Variants in PGM1 observed in about 807,000 individuals in gnomAD.
PGM1 encodes the protein phosphoglucomutase 1.
PGM1 carries 52 observed loss-of-function variants against 55.6 expected under a neutral mutation model. The ratio of observed to expected loss-of-function variants is 0.94; its 90% CI spans 0.75 to 1.18. PGM1 has a LOEUF of 1.18. Among genes scored for constraint, PGM1 ranks in the 50% most tolerant of loss-of-function variants. PGM1 has a pLI of 0.00. For missense variants in PGM1, 724 were observed against 729.3 expected (o/e 0.99, Z 0.08); for synonymous variants, 287 against 271.7 (o/e 1.06, Z -0.55).
intron 7 of PGM1, among the ~76,000 whole-genome samples, chr1:63,639,424 A>G (rs1176464754): frequency 6.6e-6 from 1 of 151,504 alleles, no homozygotes; most frequent in Non-Finnish European, 1.5e-5. Context: ...TATAGACCTC[A>G]CTCTCTGCGC....
At chr1:63,613,751 AC>A (rs1393117320) in intron 1 of PGM1, among the ~76,000 whole-genome samples, 2 of 149,230 alleles carry the variant, frequency 1.3e-5, no homozygotes, top group East Asian at 2.0e-4. Context: ...GCACCATTCA[AC>A]CATGACATCT....
At chr1:63,636,094 C>G in intron 5 of PGM1, 140 bp from the exon 6 acceptor site, 1 of 838,780 alleles carries the variant, frequency 1.2e-6, no homozygotes, top group Non-Finnish European at 1.9e-6. Context: ...AAAATAAAAC[C>G]CAGTGTTAAA....
chr1:63,634,701 C>A, intron 4 of PGM1, 128 bp from the exon 5 acceptor site: 1 of 762,628 alleles, frequency 1.3e-6, no homozygotes, highest in South Asian at 1.5e-5. Context: ...GAACACATTT[C>A]ACACATTCCT....
At chr1:63,618,550 T>C (rs1294039394) in intron 1 of PGM1, among the ~76,000 whole-genome samples, 1 of 152,220 alleles carries the variant, frequency 6.6e-6, no homozygotes, top group Non-Finnish European at 1.5e-5. Context: ...TCCAAAAATA[T>C]TAATACTATG....
chr1:63,601,570 C>T (rs1230101280), intron 1 of PGM1, among the ~76,000 whole-genome samples: 3 of 152,132 alleles, frequency 2.0e-5, no homozygotes, highest in East Asian at 1.9e-4. Flanking sequence ...TTGGGATCCA[C>T]CTTTGAAAAA....
chr1:63,636,340 G>T lies in PGM1; in HGVS notation c.980G>T (p.Gly327Val), dbSNP rs543997524. 3.1e-6 allele frequency: 5 copies of T among 1,613,978 alleles called. No individual in the cohort carries two copies. In the Admixed American group the frequency reaches 6.7e-5, roughly 22 times the overall value. Reference sequence around the variant, plus strand: ...AGCATTCCGTATTTCCAGCAGACTGGGGTCCGCGGCTTTGCACGGAGCATG... The same window carrying T: ...AGCATTCCGTATTTCCAGCAGACTGTGGTCCGCGGCTTTGCACGGAGCATG... ...IFSIPYFQQT[G>V]VRGFARSMPT... Residue 327 changes from glycine (G) to valine (V), a missense_variant, in exon 6 of 11, where the codon GGG becomes GTG. Physicochemically the swap from Gly to Val is moderately radical, Grantham distance 109. This residue lies in a region of PGM1 where 316 missense variants were observed against 313.1 expected (regional missense o/e 1.01). Transcript: ENST00000371084.
intron 1 of PGM1, chr1:63,600,298 C>T (rs1648206364): frequency 6.6e-6 from 1 of 152,092 alleles, no homozygotes; most frequent in Admixed American, 6.6e-5. Flanking sequence ...CTTTTTTAAT[C>T]AAATCTAATG....
chr1:63,625,925 A>G (rs1649003752), intron 1 of PGM1, among the ~76,000 whole-genome samples: 1 of 152,210 alleles, frequency 6.6e-6, no homozygotes, highest in African/African-American at 2.4e-5. Flanking sequence ...AGCAGGACCC[A>G]TGTGCATGAT....
At chr1:63,604,917 C>CTG (rs60618789) in intron 1 of PGM1, among the ~76,000 whole-genome samples, 6,824 of 118,742 alleles carry the variant, frequency 0.057, 185 homozygotes, top group East Asian at 0.099. Flanking sequence ...TTACATAACT[C>CTG]TGTGTGTGTG....
At chr1:63,652,547 G>A (rs1192578138) in intron 9 of PGM1, among the ~76,000 whole-genome samples, 4 of 143,478 alleles carry the variant, frequency 2.8e-5, no homozygotes, top group Non-Finnish European at 6.1e-5. Context: ...ACGCACCAGG[G>A]TTCTCTCACC....
At chr1:63,615,648 C>T (rs189139442) in intron 1 of PGM1, among the ~76,000 whole-genome samples, 80 of 146,138 alleles carry the variant, frequency 5.5e-4, no homozygotes, top group Non-Finnish European at 9.5e-4. Flanking sequence ...CTGCAATCTC[C>T]GCCTCCCGGG....
At chr1:63,611,890 G>A (rs903553555) in intron 1 of PGM1, among the ~76,000 whole-genome samples, 5 of 151,978 alleles carry the variant, frequency 3.3e-5, no homozygotes, top group South Asian at 2.1e-4. Flanking sequence ...GCAACAGAGC[G>A]AGACTCCTTC....
chr1:63,618,304 A>T (rs1166562532), intron 1 of PGM1, among the ~76,000 whole-genome samples: 1 of 152,192 alleles, frequency 6.6e-6, no homozygotes, highest in Admixed American at 6.5e-5. Flanking sequence ...TAAACTTATA[A>T]ATATAATACA....
chr1:63,652,938 G>T (rs1412706241), intron 9 of PGM1, among the ~76,000 whole-genome samples: 3 of 152,230 alleles, frequency 2.0e-5, no homozygotes, highest in Non-Finnish European at 2.9e-5. Flanking sequence ...GAGACCTGTG[G>T]TTGAGGAAGA....
chr1:63,646,304 C>A (rs975580563), intron 7 of PGM1, among the ~76,000 whole-genome samples: 1 of 152,026 alleles, frequency 6.6e-6, no homozygotes, highest in Non-Finnish European at 1.5e-5. Flanking sequence ...AAATAAGGCT[C>A]CATGTAGACT....
intron 1 of PGM1, chr1:63,600,197 T>C (rs1326011207): frequency 3.3e-5 from 5 of 152,230 alleles, no homozygotes; most frequent in African/African-American, 1.2e-4. Context: ...CTAAACAATC[T>C]TTGTTACATA....
intron 1 of PGM1, among the ~76,000 whole-genome samples, chr1:63,604,997 G>A (rs1053211887): frequency 6.8e-6 from 1 of 147,702 alleles, no homozygotes; most frequent in Non-Finnish European, 1.5e-5. Flanking sequence ...TACATATGTA[G>A]ACCAGTCACT....
rs557663075 is a variant in PGM1, at chr1:63,642,246, A to G, written c.1144+3446A>G. Among the ~76,000 whole-genome samples, 68 of 152,376 alleles carry G rather than the reference A, an allele frequency of 4.5e-4. 1 individual carries two copies. The South Asian group carries it at 0.013, about 29-fold the overall frequency. On this transcript the variant is annotated intron_variant, in intron 7 of 10. Transcript: ENST00000371084. Reference sequence around the variant, plus strand: ...AGCATCTGCAGAACAATCTTGGAATATTACTAACATTATACATTAGTCTGT... The same window carrying G: ...AGCATCTGCAGAACAATCTTGGAATGTTACTAACATTATACATTAGTCTGT...
intron 9 of PGM1, among the ~76,000 whole-genome samples, chr1:63,652,106 G>T (rs1649826099): frequency 6.6e-6 from 1 of 152,108 alleles, no homozygotes; most frequent in Admixed American, 6.6e-5. Flanking sequence ...ACTCCAGAGG[G>T]ATTTTTGCAC....
Sources: gnomAD v4.1 joint callset for allele counts (sites outside exome capture counted in the v4.1 genomes callset) on GRCh38, gnomAD v4.1.1 for gene constraint, gnomAD v4.1.1 regional missense constraint, MANE v1.5 for transcripts, NCBI Gene and HGNC (gene_info 2026-07-23, HGNC 2026-07-21) for gene names.